ZCCHC7: variants seen among roughly 807,000 people sequenced by gnomAD.
The protein encoded by ZCCHC7 is zinc finger CCHC domain-containing protein 7.
In ZCCHC7, 35 loss-of-function variants were observed where a neutral mutation model predicts 52.0. That is an observed-to-expected ratio of 0.67 (90% CI 0.51 to 0.89). The LOEUF is 0.89. ZCCHC7 is among the 40% of genes least tolerant of loss of function. The pLI is 0.00. For missense variants in ZCCHC7, 574 were observed against 649.1 expected, an observed-to-expected ratio of 0.88 and a Z score of 1.26; for synonymous variants, 217 against 221.5, an observed-to-expected ratio of 0.98 and a Z score of 0.18.
intron 2 of ZCCHC7, among the ~76,000 whole-genome samples, chr9:37,292,785 A>G (rs528781651): frequency 6.6e-6 from 1 of 152,302 alleles, no homozygotes; most frequent in Non-Finnish European, 1.5e-5. Context: ...AACCATGTGT[A>G]TTGCTTTGAT....
At chr9:37,344,546 C>T (rs1374366743) in intron 6 of ZCCHC7, among the ~76,000 whole-genome samples, 4 of 152,128 alleles carry the variant, frequency 2.6e-5, no homozygotes, top group Admixed American at 1.3e-4. Context: ...ACTACTCGTT[C>T]CCCATGCCTT....
chr9:37,354,613 A>T lies in ZCCHC7; in HGVS notation c.1084-97A>T. On this transcript the variant is annotated intron_variant, in intron 7 of 8. Transcript: ENST00000336755. The surrounding 1 kb of genome is among the most constrained non-coding windows in gnomAD (Gnocchi z 4.0). ...AGCCACCACATGAGGTACCAGTGAC[A>T]TGGGGCTCATTTCTAATTAACATGC... 1 of 823,122 alleles carries T rather than the reference A, an allele frequency of 1.2e-6. No homozygotes were observed. The highest frequency in any genetic ancestry group is 2.0e-6 in the Non-Finnish European group (1 of 509,676). 51.0% of individuals were successfully genotyped at this position (823,122 alleles called of 1,614,324 possible). A position where few individuals can be genotyped will look rare whatever the true frequency, so the allele number is the denominator to read the frequency against.
intron 6 of ZCCHC7, among the ~76,000 whole-genome samples, chr9:37,347,587 C>T (rs980635725): frequency 2.0e-5 from 3 of 152,066 alleles, no homozygotes; most frequent in Non-Finnish European, 4.4e-5. Flanking sequence ...TTCAGCTATG[C>T]CAATATCCTG....
chr9:37,324,555 C>T (rs1035930966), intron 5 of ZCCHC7, among the ~76,000 whole-genome samples: 1 of 152,168 alleles, frequency 6.6e-6, no homozygotes, highest in Non-Finnish European at 1.5e-5. Context: ...TCCTGAAAGC[C>T]CTGTCACTCA....
intron 2 of ZCCHC7, among the ~76,000 whole-genome samples, chr9:37,279,705 T>A (rs530356670): frequency 3.1e-4 from 46 of 149,538 alleles, no homozygotes; most frequent in Non-Finnish European, 3.6e-4. Context: ...TAAATTAAAA[T>A]ATATATATAT....
At chr9:37,318,336 C>G (rs1829912003) in intron 5 of ZCCHC7, among the ~76,000 whole-genome samples, 1 of 151,924 alleles carries the variant, frequency 6.6e-6, no homozygotes, top group South Asian at 2.1e-4. Context: ...GTGGTGGGCT[C>G]TGTAATCCCA....
intron 5 of ZCCHC7, among the ~76,000 whole-genome samples, chr9:37,313,851 G>C (rs1054428558): frequency 6.6e-6 from 1 of 152,194 alleles, no homozygotes; most frequent in Non-Finnish European, 1.5e-5. Context: ...ACTTGAGTCA[G>C]TTAAACCTCT....
intron 2 of ZCCHC7, among the ~76,000 whole-genome samples, chr9:37,243,967 C>T (rs546483048): frequency 1.3e-5 from 2 of 151,900 alleles, no homozygotes; most frequent in African/African-American, 4.8e-5. Flanking sequence ...TTCTGTGTCT[C>T]CAAACTTACT....
chr9:37,218,365 T>C (rs147675936), intron 2 of ZCCHC7, among the ~76,000 whole-genome samples: 151 of 152,342 alleles, frequency 9.9e-4, no homozygotes, highest in Middle Eastern at 3.4e-3. Flanking sequence ...AAGTTAACTA[T>C]TATGGGTTCA....
intron 5 of ZCCHC7, chr9:37,327,151 C>G (rs1201922712): frequency 1.3e-5 from 2 of 151,988 alleles, no homozygotes; most frequent in African/African-American, 4.8e-5. Flanking sequence ...GTTACCTATT[C>G]TAGTTTCAAT....
At chr9:37,130,616 C>T (rs979271911) in intron 2 of ZCCHC7, among the ~76,000 whole-genome samples, 1 of 151,600 alleles carries the variant, frequency 6.6e-6, no homozygotes, top group African/African-American at 2.4e-5. Flanking sequence ...CCTCAGCCTC[C>T]CAAGTAGCTG....
chr9:37,296,040 T>A (rs1828768978), intron 2 of ZCCHC7, among the ~76,000 whole-genome samples: 1 of 152,122 alleles, frequency 6.6e-6, no homozygotes, highest in Non-Finnish European at 1.5e-5. Context: ...GGTGCAAAAG[T>A]AGTTGTGGTT....
chr9:37,220,311 C>T (rs1824741602), intron 2 of ZCCHC7, among the ~76,000 whole-genome samples: 3 of 152,036 alleles, frequency 2.0e-5, no homozygotes, highest in South Asian at 2.1e-4. Context: ...GAGGCCGAGG[C>T]GGGCAGATTA....
At chr9:37,333,665 A>T (rs1419990226) in intron 6 of ZCCHC7, among the ~76,000 whole-genome samples, 3 of 151,708 alleles carry the variant, frequency 2.0e-5, no homozygotes, top group South Asian at 2.1e-4. Context: ...TGTGTTCAGC[A>T]TTACTTAGAA....
intron 2 of ZCCHC7, among the ~76,000 whole-genome samples, chr9:37,232,198 C>T (rs1825440791): frequency 6.6e-6 from 1 of 152,188 alleles, no homozygotes; most frequent in Admixed American, 6.5e-5. Context: ...ATACTGAGCA[C>T]TTATGTGCCA....
At chr9:37,218,802 C>G (rs1256641385) in intron 2 of ZCCHC7, among the ~76,000 whole-genome samples, 2 of 151,950 alleles carry the variant, frequency 1.3e-5, no homozygotes, top group Non-Finnish European at 2.9e-5. Flanking sequence ...GAGCGAGACT[C>G]CTCCAAAAAT....
chr9:37,293,618 AG>A, intron 2 of ZCCHC7, among the ~76,000 whole-genome samples: 1 of 152,304 alleles, frequency 6.6e-6, no homozygotes, highest in Non-Finnish European at 1.5e-5. Flanking sequence ...ATTTAAAGGA[AG>A]AAAAAACAAC....
At chr9:37,139,327 A>G (rs1843124871) in intron 2 of ZCCHC7, among the ~76,000 whole-genome samples, 1 of 152,058 alleles carries the variant, frequency 6.6e-6, no homozygotes, top group African/African-American at 2.4e-5. Context: ...TTAATTGGGC[A>G]TCCACCATGT....
intron 2 of ZCCHC7, among the ~76,000 whole-genome samples, chr9:37,172,085 C>T (rs1395385118): frequency 2.6e-5 from 4 of 152,078 alleles, no homozygotes; most frequent in African/African-American, 9.7e-5. Context: ...TTCTAATGTA[C>T]TTTCTTCAGC....
Sources: allele counts gnomAD v4.1 joint callset (sites outside exome capture counted in the v4.1 genomes callset), GRCh38; gene constraint gnomAD v4.1.1; non-coding constraint Gnocchi (gnomAD v3.1); transcripts MANE v1.5; gene names NCBI Gene and HGNC (gene_info 2026-07-23, HGNC 2026-07-21).